Variants in HTR3B observed in about 807,000 individuals in gnomAD.
HTR3B encodes 5-hydroxytryptamine receptor 3B, also known as 5-hydroxytryptamine (serotonin) receptor 3B, ionotropic.
A neutral mutation model predicts 42.8 loss-of-function variants in HTR3B; 44 were observed. The observed-to-expected ratio is 1.03, with a 90% CI of 0.81 to 1.32. The LOEUF is 1.32. HTR3B is among the 40% of genes most tolerant of loss of function. The pLI is 0.00. For missense variants in HTR3B, 527 were observed against 536.5 expected (o/e 0.98, Z 0.17); for synonymous variants, 203 against 209.0 (o/e 0.97, Z 0.25).
At chr11:113,904,470 G>T (rs369737254), upstream of HTR3B, among the ~76,000 whole-genome samples, 49 of 152,344 alleles carry the variant, frequency 3.2e-4, no homozygotes, top group African/African-American at 1.1e-3. Flanking sequence ...AAATGCTGAA[G>T]ATGTTACTGC....
intron 2 of HTR3B, among the ~76,000 whole-genome samples, chr11:113,914,049 T>A (rs533768204): frequency 1.1e-3 from 157 of 148,116 alleles, no homozygotes; most frequent in Middle Eastern, 3.6e-3. Flanking sequence ...ATATATTTTT[T>A]TTTTTTTTAT....
At chr11:113,919,996 C>A (rs1342794995) in intron 2 of HTR3B, among the ~76,000 whole-genome samples, 1 of 151,816 alleles carries the variant, frequency 6.6e-6, no homozygotes, top group Non-Finnish European at 1.5e-5. Context: ...AAATGGTACC[C>A]CTAAAAATTC....
intron 6 of HTR3B, among the ~76,000 whole-genome samples, chr11:113,939,956 G>A (rs1299474186): frequency 6.7e-6 from 1 of 148,994 alleles, no homozygotes; most frequent in Non-Finnish European, 1.5e-5. Flanking sequence ...GTGGGATCTC[G>A]GCTCACTGCA....
In HTR3B at chr11:113,948,924, C is replaced by T. The variant is rs1950199905; in HGVS notation, c.*2787C>T. On this transcript the variant is annotated 3_prime_UTR_variant, in exon 9 of 9. Transcript: ENST00000260191. Reference sequence around the variant, plus strand: ...GGGAGGGATAGCATTAGAAGATATACCTAATGTTAATGGGTGCAGCACAGC... The same window carrying T: ...GGGAGGGATAGCATTAGAAGATATATCTAATGTTAATGGGTGCAGCACAGC... Among the ~76,000 whole-genome samples, 1 of 151,874 alleles carries T rather than the reference C, an allele frequency of 6.6e-6. No individual in the cohort carries two copies. The highest frequency in any genetic ancestry group is 1.5e-5 in the Non-Finnish European group (1 of 67,980).
At chr11:113,901,412 G>C (rs986875374), upstream of HTR3B, among the ~76,000 whole-genome samples, 3 of 150,202 alleles carry the variant, frequency 2.0e-5, no homozygotes, top group African/African-American at 7.4e-5. Flanking sequence ...CTGCATTCCA[G>C]CCTGGGCGAC....
rs1950181496 is a variant in HTR3B at position 113,946,445 on chromosome 11, C to T, written c.*308C>T. 1 of 178,378 alleles carries T rather than the reference C, an allele frequency of 5.6e-6. No homozygotes were observed. Among genetic ancestry groups the T allele is most frequent in the Non-Finnish European group, 1.2e-5 (1 of 83,632 alleles). The allele number at this position is 178,378 out of a possible 1,614,324, so 11.0% of individuals were successfully genotyped here. A position where few individuals can be genotyped will look rare whatever the true frequency, so the allele number is the denominator to read the frequency against. On this transcript the variant is annotated 3_prime_UTR_variant, in exon 9 of 9. Coordinates refer to ENST00000260191, the MANE Select transcript of HTR3B (RefSeq NM_006028.5). ...TTGGGAGGTTGAGGTGGGAGGATTGCTTGAGCCCAGGATTTCAAGGCTGCA... is the reference window on the plus strand; with the variant it reads ...TTGGGAGGTTGAGGTGGGAGGATTGTTTGAGCCCAGGATTTCAAGGCTGCA...
At chr11:113,925,028 G>T (rs1321961540) in intron 2 of HTR3B, among the ~76,000 whole-genome samples, 4 of 152,128 alleles carry the variant, frequency 2.6e-5, no homozygotes, top group Admixed American at 2.6e-4. Context: ...AAAGTTTCTT[G>T]TTTCTCTTTC....
chr11:113,905,042 A>G, intron 1 of HTR3B, 57 bp downstream of exon 1: 1 of 1,259,426 alleles, frequency 7.9e-7, no homozygotes, highest in East Asian at 2.3e-5. Flanking sequence ...GAAGATAGAG[A>G]CAATATTTGT....
At chr11:113,926,853 A>G (rs1949981250) in intron 2 of HTR3B, among the ~76,000 whole-genome samples, 1 of 152,140 alleles carries the variant, frequency 6.6e-6, no homozygotes. Context: ...AACTGACTGA[A>G]TCACTTAATA....
In HTR3B at chr11:113,946,403, C is replaced by A. The variant is rs1462759003; in HGVS notation, c.*266C>A. ...AAATAGCTGGGCATAGTGGCTCATG[C>A]CTGTACTCTCAGCTACTTGGGAGGT... is the stretch of plus-strand genomic sequence containing the variant. On this transcript the variant is annotated 3_prime_UTR_variant, in exon 9 of 9. Transcript: ENST00000260191. The A allele has an allele frequency of 9.4e-6, 2 of 213,432 alleles. No individual in the cohort carries two copies. The highest frequency in any genetic ancestry group is 1.9e-5 in the Non-Finnish European group (2 of 105,554). The allele number at this position is 213,432 out of a possible 1,614,324, so 13.2% of individuals were successfully genotyped here. A position where few individuals can be genotyped will look rare whatever the true frequency, so the allele number is the denominator to read the frequency against.
At position 113,948,190 on chromosome 11, in the gene HTR3B, G is replaced by A. The variant is rs1400070274; in HGVS notation, c.*2053G>A. ...CCTTCCTCACTTCCTACTTTCTACT[G>A]CTGGCCTCCTCTGCTTTGACGTGCT... On this transcript the variant is annotated 3_prime_UTR_variant, in exon 9 of 9. Transcript: ENST00000260191. Among the ~76,000 whole-genome samples, 1 of 152,146 alleles carries A rather than the reference G, an allele frequency of 6.6e-6. No individual in the cohort carries two copies. The highest frequency in any genetic ancestry group is 6.5e-5 in the Admixed American group (1 of 15,278).
rs578006048 is a variant in HTR3B, at chr11:113,945,038, C to T, written c.1090+283C>T. ...CAGGCTGGTCTCGAACTCCTAGGCTCAGGCGATCTTCCCTCCTTTGCCTCC... is the reference window on the plus strand; with the variant it reads ...CAGGCTGGTCTCGAACTCCTAGGCTTAGGCGATCTTCCCTCCTTTGCCTCC... On this transcript the variant is annotated intron_variant, in intron 8 of 8. Transcript: ENST00000260191. Among the ~76,000 whole-genome samples the T allele has an allele frequency of 5.3e-5, 8 of 152,276 alleles. No homozygotes were observed. The East Asian group carries it at 1.4e-3, about 26-fold the overall frequency.
chr11:113,902,668 A>G (rs1051863012), upstream of HTR3B, among the ~76,000 whole-genome samples: 2 of 152,212 alleles, frequency 1.3e-5, no homozygotes, highest in Non-Finnish European at 2.9e-5. Context: ...TCTCTATACA[A>G]TTAAAATCAG....
chr11:113,932,206 T>C (rs1950042072), intron 4 of HTR3B, 83 bp from the exon 5 acceptor site: 1 of 1,145,410 alleles, frequency 8.7e-7, no homozygotes. Context: ...GACCTCATGG[T>C]CACTACCATC....
chr11:113,933,618 G>A (rs1950060326), intron 6 of HTR3B, among the ~76,000 whole-genome samples: 1 of 151,988 alleles, frequency 6.6e-6, no homozygotes, highest in Admixed American at 6.6e-5. Flanking sequence ...TGGATCAGAG[G>A]GAACAATTAA....
intron 6 of HTR3B, among the ~76,000 whole-genome samples, chr11:113,937,648 C>A (rs45511804): frequency 3.2e-4 from 49 of 152,322 alleles, no homozygotes; most frequent in Admixed American, 1.2e-3. Context: ...CAGGAGGCTG[C>A]AAGGTGACTG....
At position 113,946,037 on chromosome 11, in the gene HTR3B, T is replaced by C; in HGVS notation, c.1226T>C (p.Leu409Pro). The C allele has an allele frequency of 6.2e-7, 1 of 1,614,108 alleles. No individual in the cohort carries two copies. The highest frequency in any genetic ancestry group is 8.5e-7 in the Non-Finnish European group (1 of 1,180,012). ...CAGGAGGCAGAGTGGCTGGTCCTCC[T>C]GTCCCGCTTTGACCGACTGCTCTTC... ...DQQEAEWLVL[L>P]SRFDRLLFQS... The change falls in exon 9 of 9, where the codon CTG (leucine) becomes CCG (proline). Residue 409 changes from leucine (L) to proline (P), a missense_variant. Transcript: ENST00000260191.
At chr11:113,912,878 T>C (rs1016981075) in intron 2 of HTR3B, among the ~76,000 whole-genome samples, 1 of 151,768 alleles carries the variant, frequency 6.6e-6, no homozygotes, top group Non-Finnish European at 1.5e-5. Flanking sequence ...TTCTCTTATT[T>C]TTAAAATTGG....
At chr11:113,930,729 A>G (rs574073541) in intron 2 of HTR3B, among the ~76,000 whole-genome samples, 3 of 152,220 alleles carry the variant, frequency 2.0e-5, no homozygotes, top group Non-Finnish European at 4.4e-5. Context: ...GGCTCAGGCA[A>G]TCCTCCTGTC....
Sources: gnomAD v4.1 joint callset for allele counts (sites outside exome capture counted in the v4.1 genomes callset) on GRCh38, gnomAD v4.1.1 for gene constraint, MANE v1.5 for transcripts, NCBI Gene and HGNC (gene_info 2026-07-23, HGNC 2026-07-21) for gene names.